SRPRA: variants seen among roughly 807,000 people sequenced by gnomAD.
SRPRA encodes the protein signal recognition particle receptor subunit alpha.
SRPRA carries 30 observed loss-of-function variants against 61.1 expected under a neutral mutation model. The ratio of observed to expected loss-of-function variants is 0.49; its 90% CI spans 0.37 to 0.67. The LOEUF (loss-of-function observed/expected upper bound fraction) is 0.67. SRPRA is among the 30% of genes least tolerant of loss of function. The pLI, the probability that SRPRA is intolerant of heterozygous loss-of-function variation, is 0.00. For missense variants in SRPRA, 759 were observed against 828.4 expected, an observed-to-expected ratio of 0.92 and a Z score of 1.03; for synonymous variants, 324 against 299.7, an observed-to-expected ratio of 1.08 and a Z score of -0.84.
At chr11:126,248,387 T>TTTTTA in the SRPRA span, among the ~76,000 whole-genome samples, 1 of 141,208 alleles carries the variant, frequency 7.1e-6, no homozygotes. Flanking sequence ...TTTTTTTTTT[T>TTTTTA]GAGATGGAGT....
chr11:126,240,677 ATCT>A, the SRPRA span: 1 of 1,100,334 alleles, frequency 9.1e-7, no homozygotes, highest in East Asian at 2.4e-5. Context: ...ACTGCTGTTC[ATCT>A]TCTTTGCAAC....
Position 126,266,801 on chromosome 11 carries a change from C to T in SRPRA, c.648G>A (p.Glu216=), listed in dbSNP as rs765988977. ...TACCCCTCCCATGCTTCTGAATGAA[C>T]TCCTCGCGCTTCCTGCGGATCAGCT... ...KEELIRRKRE[E]FIQKHGRGME... The change falls in exon 5 of 14, where the codon GAG becomes GAA. Residue 216 remains glutamate (E), a synonymous_variant. Transcript: ENST00000332118. 27 of 1,614,038 alleles carry T rather than the reference C, an allele frequency of 1.7e-5. No homozygotes were observed. Among genetic ancestry groups the T allele is most frequent in the Non-Finnish European group, 2.2e-5 (26 of 1,180,034 alleles).
the SRPRA span, chr11:126,256,709 G>C: frequency 6.2e-7 from 1 of 1,614,202 alleles, no homozygotes; most frequent in Non-Finnish European, 8.5e-7. This position sits in a 1 kb window ranked among gnomAD's most constrained non-coding sequence, Gnocchi z 6.6. Context: ...CTGGTTCGGA[G>C]AGGAGACGTA....
In SRPRA at chr11:126,264,953, C is replaced by T; in HGVS notation, c.1525+6G>A. The T allele has an allele frequency of 6.2e-7, 1 of 1,613,218 alleles. No individual in the cohort carries two copies. Among genetic ancestry groups the T allele is most frequent in the Non-Finnish European group, 8.5e-7 (1 of 1,179,836 alleles). Reference sequence around the variant, plus strand: ...AATAAGCCCCCACACTTCCCATGCACTGTACCAAAAGCAATGGCTTCCATG... The same window carrying T: ...AATAAGCCCCCACACTTCCCATGCATTGTACCAAAAGCAATGGCTTCCATG... On this transcript the variant is annotated splice_donor_region_variant and intron_variant, in intron 11 of 13. Transcript: ENST00000332118. This position sits in a 1 kb window ranked among gnomAD's most constrained non-coding sequence, Gnocchi z 5.0.
At chr11:126,248,520 C>T in the SRPRA span, among the ~76,000 whole-genome samples, 5 of 151,826 alleles carry the variant, frequency 3.3e-5, no homozygotes, top group South Asian at 1.0e-3. Flanking sequence ...ACAGGCACCA[C>T]CACCACGCCC....
the SRPRA span, chr11:126,256,508 T>C: frequency 6.5e-7 from 1 of 1,540,004 alleles, no homozygotes. The surrounding 1 kb of genome is among the most constrained non-coding windows in gnomAD (Gnocchi z 6.6). Context: ...ACCTTCTTGT[T>C]TCAGACTTGC....
the SRPRA span, among the ~76,000 whole-genome samples, chr11:126,257,812 T>C: frequency 2.0e-5 from 3 of 152,154 alleles, no homozygotes; most frequent in Non-Finnish European, 4.4e-5. Flanking sequence ...AGTCAGAGGA[T>C]AGGGGTATCA....
the SRPRA span, chr11:126,257,004 A>G: frequency 1.3e-6 from 1 of 745,010 alleles, no homozygotes; most frequent in Non-Finnish European, 2.2e-6. Context: ...AGGTTAGACT[A>G]AAGTGCCACT....
the SRPRA span, among the ~76,000 whole-genome samples, chr11:126,237,680 TAAAAAAAAAA>T: frequency 1.2e-5 from 1 of 85,908 alleles, no homozygotes; most frequent in East Asian, 3.6e-4. Flanking sequence ...CTGTCTCTAC[TAAAAAAAAAA>T]AAAAAAAAAA....
rs1950824687 is a variant in SRPRA at position 126,267,080 on chromosome 11, G to A, written c.526+95C>T. 9.8e-6 allele frequency: 15 copies of A among 1,536,700 alleles called. No individual in the cohort carries two copies. Among genetic ancestry groups the A allele is most frequent in the Non-Finnish European group, 1.1e-5 (13 of 1,134,628 alleles). On this transcript the variant is annotated intron_variant, in intron 4 of 13. Coordinates refer to ENST00000332118, the MANE Select transcript of SRPRA (RefSeq NM_003139.4). The surrounding 1 kb of genome is among the most constrained non-coding windows in gnomAD (Gnocchi z 4.2). ...AGGATGGTGACCATTTGAGTGAGAA[G>A]CAGGTAAGCAATGACAAAAGGAAGG...
chr11:126,245,723 G>C, the SRPRA span, among the ~76,000 whole-genome samples: 1 of 151,980 alleles, frequency 6.6e-6, no homozygotes, highest in Non-Finnish European at 1.5e-5. Context: ...GAGGCCGAGC[G>C]CAGTGGCTAA....
At chr11:126,237,301 A>G in the SRPRA span, among the ~76,000 whole-genome samples, 1 of 121,016 alleles carries the variant, frequency 8.3e-6, no homozygotes. Context: ...GCTCACTGCA[A>G]CCTCTGCCTC....
chr11:126,267,716 T>C lies in SRPRA; in HGVS notation c.202-4A>G. ...TCAGGATCTTCTGAAAACCAACCTG[T>C]TTAGGGGAAGAAACAGCCAACAGAT... On this transcript the variant is annotated splice_polypyrimidine_tract_variant and splice_region_variant and intron_variant, in intron 2 of 13. Transcript: ENST00000332118. This position sits in a 1 kb window ranked among gnomAD's most constrained non-coding sequence, Gnocchi z 4.2. The C allele has an allele frequency of 1.9e-6, 3 of 1,613,898 alleles. No individual in the cohort carries two copies. The highest frequency in any genetic ancestry group is 1.7e-6 in the Non-Finnish European group (2 of 1,179,978).
chr11:126,250,501 C>T, the SRPRA span: 3 of 1,606,710 alleles, frequency 1.9e-6, no homozygotes, highest in South Asian at 1.1e-5. This position sits in a 1 kb window ranked among gnomAD's most constrained non-coding sequence, Gnocchi z 5.1. Flanking sequence ...CAAATCCCTC[C>T]TCAGCGTACC....
downstream of SRPRA, chr11:126,262,358 CA>C: frequency 1.7e-6 from 1 of 571,976 alleles, no homozygotes. Context: ...AAAGCGACAG[CA>C]GGACCCAAAT....
chr11:126,261,492 G>T, downstream of SRPRA: 1 of 1,609,112 alleles, frequency 6.2e-7, no homozygotes, highest in Non-Finnish European at 8.5e-7. Context: ...GAGGTATACT[G>T]TTTCCTATTC....
At chr11:126,257,359 T>C in the SRPRA span, among the ~76,000 whole-genome samples, 18 of 152,156 alleles carry the variant, frequency 1.2e-4, 1 homozygote, top group African/African-American at 3.1e-4. Flanking sequence ...AATCACACAA[T>C]TGTACAAAGA....
downstream of SRPRA, among the ~76,000 whole-genome samples, chr11:126,259,914 G>A (rs1195761227): frequency 1.3e-5 from 2 of 149,640 alleles, no homozygotes; most frequent in African/African-American, 2.5e-5. Flanking sequence ...TAGATACAGC[G>A]TTTCACTGTG....
Position 126,263,709 on chromosome 11 carries a change from T to G in SRPRA, c.*207A>C. On this transcript the variant is annotated 3_prime_UTR_variant, in exon 14 of 14. Coordinates refer to ENST00000332118, the MANE Select transcript of SRPRA (RefSeq NM_003139.4). ...GGGAGGCCCGCTGGGAGAGGGTCAG[T>G]GGGCAGTGATTGTAACATGATTAGG... 1 of 664,122 alleles carries G rather than the reference T, an allele frequency of 1.5e-6. No homozygotes were observed. 41.1% of individuals were successfully genotyped at this position (664,122 alleles called of 1,614,324 possible). A position where few individuals can be genotyped will look rare whatever the true frequency, so the allele number is the denominator to read the frequency against.
Sources: allele counts gnomAD v4.1 joint callset (sites outside exome capture counted in the v4.1 genomes callset), GRCh38; gene constraint gnomAD v4.1.1; non-coding constraint Gnocchi (gnomAD v3.1); transcripts MANE v1.5; gene names NCBI Gene and HGNC (gene_info 2026-07-23, HGNC 2026-07-21).